The following PTGER3 variants were observed in gnomAD, a reference collection of about 807,000 sequenced individuals.
The protein encoded by PTGER3 is prostaglandin E receptor 3, also known as prostaglandin E2 receptor EP3 subtype.
PTGER3 carries 22 observed loss-of-function variants against 34.7 expected under a neutral mutation model. The observed-to-expected ratio is 0.63, with a 90% CI of 0.45 to 0.91. The LOEUF is 0.91. PTGER3 is among the 40% of genes least tolerant of loss of function. The probability of loss-of-function intolerance (pLI) is 0.00; values close to 1 mark genes in which losing one functional copy is unlikely to be tolerated. For missense variants in PTGER3, 468 were observed against 519.4 expected (o/e 0.90, Z 0.96); for synonymous variants, 241 against 230.1 (o/e 1.05, Z -0.43).
chr1:71,008,985 A>G, intron 2 of PTGER3: 1 of 983,492 alleles, frequency 1.0e-6, no homozygotes, highest in Non-Finnish European at 1.2e-6. Context: ...TAAAATTTCA[A>G]AGAACAAAAG....
At chr1:70,875,617 T>G (rs1414837704) in intron 4 of PTGER3, among the ~76,000 whole-genome samples, 1 of 152,140 alleles carries the variant, frequency 6.6e-6, no homozygotes, top group East Asian at 1.9e-4. Flanking sequence ...AATCTCTCCT[T>G]CCTCCCACCC....
chr1:71,019,030 T>C (rs965638388), intron 1 of PTGER3, among the ~76,000 whole-genome samples: 2 of 152,222 alleles, frequency 1.3e-5, no homozygotes, highest in African/African-American at 4.8e-5. Flanking sequence ...TCCAAATTCT[T>C]CATCCAATTT....
intron 2 of PTGER3, among the ~76,000 whole-genome samples, chr1:70,976,433 TG>T (rs1235492516): frequency 6.6e-6 from 1 of 152,090 alleles, no homozygotes; most frequent in Non-Finnish European, 1.5e-5. Context: ...GCTATGCATA[TG>T]TGGGGCCAGG....
At chr1:70,868,018 T>C (rs888408550) in intron 4 of PTGER3, among the ~76,000 whole-genome samples, 1 of 152,134 alleles carries the variant, frequency 6.6e-6, no homozygotes, top group African/African-American at 2.4e-5. Flanking sequence ...TTATTTGCTG[T>C]TTTGGCCTAT....
chr1:70,868,039 T>C (rs561326157), intron 4 of PTGER3, among the ~76,000 whole-genome samples: 3 of 152,092 alleles, frequency 2.0e-5, no homozygotes, highest in Non-Finnish European at 4.4e-5. Context: ...AAGATAAAAG[T>C]CAAACTCCTA....
At chr1:70,901,712 GA>G (rs1272834865) in intron 4 of PTGER3, among the ~76,000 whole-genome samples, 4 of 152,124 alleles carry the variant, frequency 2.6e-5, no homozygotes, top group Non-Finnish European at 5.9e-5. Context: ...AAAAGCTTTT[GA>G]AAAATCATGA....
chr1:70,927,418 C>A (rs541761577), intron 4 of PTGER3, among the ~76,000 whole-genome samples: 2 of 152,206 alleles, frequency 1.3e-5, no homozygotes, highest in African/African-American at 2.4e-5. Flanking sequence ...CTTGAACAAC[C>A]AATGCCATTA....
chr1:71,024,645 CTTTTTTTTT>C (rs35271200), intron 1 of PTGER3, among the ~76,000 whole-genome samples: 311 of 117,106 alleles, frequency 2.7e-3, no homozygotes, highest in African/African-American at 5.4e-3. Flanking sequence ...CCTTTTCTTT[CTTTTTTTTT>C]TTTTTTTTTT....
In PTGER3 at chr1:70,853,301, T is replaced by C. The variant is rs1298193206; in HGVS notation, c.*24-442A>G. On this transcript the variant is annotated intron_variant, in intron 4 of 4. Transcript: ENST00000370931. ...ATGACCACAGAGTTAAGCCACTAGC[T>C]AATTTCCATTTAGTGTTAAAAGACA... Among the ~76,000 whole-genome samples, 5 of 152,216 alleles carry C rather than the reference T, an allele frequency of 3.3e-5. No individual in the cohort carries two copies. In the East Asian group the frequency reaches 9.6e-4, roughly 29 times the overall value.
intron 3 of PTGER3, among the ~76,000 whole-genome samples, chr1:70,974,064 A>T (rs1222717944): frequency 6.6e-6 from 1 of 152,182 alleles, no homozygotes; most frequent in African/African-American, 2.4e-5. Flanking sequence ...AAGAGACTTG[A>T]TCAGTCACAA....
chr1:71,009,419 C>T (rs1388489367), intron 2 of PTGER3: 2 of 981,288 alleles, frequency 2.0e-6, no homozygotes, highest in Admixed American at 6.2e-5. Flanking sequence ...GGGATATATA[C>T]AGCACTAGGT....
At chr1:70,887,110 G>A (rs1226725504) in intron 4 of PTGER3, among the ~76,000 whole-genome samples, 1 of 152,142 alleles carries the variant, frequency 6.6e-6, no homozygotes, top group Non-Finnish European at 1.5e-5. Context: ...CTTACTGAGT[G>A]GGGTTACGAG....
At chr1:70,926,741 G>A (rs1263230528) in intron 4 of PTGER3, among the ~76,000 whole-genome samples, 6 of 151,898 alleles carry the variant, frequency 4.0e-5, no homozygotes, top group African/African-American at 1.5e-4. Flanking sequence ...GTGAGAGAGG[G>A]CATCCCTGTC....
At chr1:70,880,552 T>C (rs1271719780) in intron 4 of PTGER3, among the ~76,000 whole-genome samples, 1 of 151,760 alleles carries the variant, frequency 6.6e-6, no homozygotes, top group Non-Finnish European at 1.5e-5. Context: ...TAGCCAGGCA[T>C]GATGGCGGGC....
chr1:70,997,610 AC>A (rs1382840441), intron 2 of PTGER3, among the ~76,000 whole-genome samples: 1 of 152,220 alleles, frequency 6.6e-6, no homozygotes, highest in Non-Finnish European at 1.5e-5. Context: ...TTTTAAAAAA[AC>A]ATTTTTGCTG....
intron 4 of PTGER3, among the ~76,000 whole-genome samples, chr1:70,920,061 T>C (rs1647380853): frequency 6.6e-6 from 1 of 152,206 alleles, no homozygotes; most frequent in Non-Finnish European, 1.5e-5. Context: ...TTCTGATATT[T>C]CATGGGGCTG....
chr1:70,967,445 A>G (rs1227737346), downstream of PTGER3, among the ~76,000 whole-genome samples: 2 of 152,212 alleles, frequency 1.3e-5, no homozygotes, highest in Non-Finnish European at 2.9e-5. Flanking sequence ...TTTTAAAAAT[A>G]TATCTTGTAC....
intron 4 of PTGER3, among the ~76,000 whole-genome samples, chr1:70,931,633 G>A (rs1416769586): frequency 2.6e-5 from 4 of 152,204 alleles, no homozygotes; most frequent in Non-Finnish European, 4.4e-5. Flanking sequence ...AAGGTTTGGG[G>A]CTTGCACCAA....
intron 4 of PTGER3, among the ~76,000 whole-genome samples, chr1:70,908,171 C>A (rs1646988813): frequency 4.6e-5 from 7 of 152,166 alleles, no homozygotes; most frequent in Admixed American, 3.3e-4. Flanking sequence ...TACATAGAGG[C>A]AAGGTGTCCC....
Sources: gnomAD v4.1 joint callset for allele counts (sites outside exome capture counted in the v4.1 genomes callset) on GRCh38, gnomAD v4.1.1 for gene constraint, MANE v1.5 for transcripts, NCBI Gene and HGNC (gene_info 2026-07-23, HGNC 2026-07-21) for gene names.